Variants in EGF observed in about 807,000 individuals in gnomAD.
EGF encodes the protein pro-epidermal growth factor.
In EGF, 95 loss-of-function variants were observed where a neutral mutation model predicts 143.8. The ratio of observed to expected loss-of-function variants is 0.66; its 90% CI spans 0.56 to 0.78. The LOEUF (loss-of-function observed/expected upper bound fraction) is 0.78. Among genes scored for constraint, EGF ranks in the 30% least tolerant of loss-of-function variants. EGF has a pLI of 0.00. For synonymous variants in EGF, 510 were observed against 510.5 expected (o/e 1.00, Z 0.01); for missense variants, 1,320 against 1,470.9 (o/e 0.90, Z 1.68).
In EGF at chr4:109,994,713, A is replaced by C; in HGVS notation, c.2858-20A>C. ...ACTAATCCATTCAGAAAGTAAAAGT[A>C]ATGTCTTGGGTTCTTTTAGACTCTA... On this transcript the variant is annotated intron_variant, in intron 19 of 23. Coordinates refer to ENST00000265171, the MANE Select transcript of EGF (RefSeq NM_001963.6). The C allele has an allele frequency of 6.2e-7, 1 of 1,613,442 alleles. No individual in the cohort carries two copies. Among genetic ancestry groups the C allele is most frequent in the Non-Finnish European group, 8.5e-7 (1 of 1,179,776 alleles).
intron 22 of EGF, among the ~76,000 whole-genome samples, chr4:110,006,048 A>T (rs377569527): frequency 9.1e-6 from 1 of 110,006 alleles, no homozygotes; most frequent in Non-Finnish European, 1.7e-5. Context: ...AGTATGGGGG[A>T]AAAAAATAGA....
intron 1 of EGF, among the ~76,000 whole-genome samples, chr4:109,926,431 T>C (rs968924562): frequency 6.0e-5 from 9 of 149,784 alleles, no homozygotes; most frequent in Non-Finnish European, 1.2e-4. Context: ...CTCGTCTCAC[T>C]GCAAGCTCCA....
chr4:109,976,534 T>C (rs967538823), intron 13 of EGF, among the ~76,000 whole-genome samples: 10 of 152,230 alleles, frequency 6.6e-5, no homozygotes, highest in African/African-American at 2.2e-4. Context: ...TCATTTCTTA[T>C]GTTTTAGAAA....
At chr4:109,977,830 A>G (rs374701700) in intron 13 of EGF, among the ~76,000 whole-genome samples, 14 of 152,152 alleles carry the variant, frequency 9.2e-5, no homozygotes, top group African/African-American at 3.1e-4. Context: ...ACGGAGTGAA[A>G]CCGTCTCAAA....
At position 110,011,340 on chromosome 4, in the gene EGF, A is replaced by G; in HGVS notation, c.3509A>G (p.Tyr1170Cys). The change falls in exon 24 of 24, where the codon TAT becomes TGT. Residue 1170 changes from tyrosine (Y) to cysteine (C), a missense_variant. This residue lies in a region of EGF where 1,186 missense variants were observed against 1,313.7 expected (regional missense o/e 0.90). Coordinates refer to ENST00000265171, the MANE Select transcript of EGF (RefSeq NM_001963.6). ...GAGCGAAGCTTTCATATGCCCTCCT[A>G]TGGGACACAGACCCTTGAAGGGGGT... The part of the protein sequence containing the change: ...VMERSFHMPS[Y>C]GTQTLEGGVE... 4 of 1,614,076 alleles carry G rather than the reference A, an allele frequency of 2.5e-6. No homozygotes were observed. Among genetic ancestry groups the G allele is most frequent in the South Asian group, 1.1e-5 (1 of 91,080 alleles).
chr4:110,001,846 C>A, intron 21 of EGF: 1 of 985,430 alleles, frequency 1.0e-6, no homozygotes, highest in Non-Finnish European at 1.2e-6. Context: ...TTTCTCTTCA[C>A]TGAAATGCAT....
At chr4:109,963,540 T>C (rs1379509186) in intron 9 of EGF, among the ~76,000 whole-genome samples, 2 of 152,202 alleles carry the variant, frequency 1.3e-5, no homozygotes, top group Non-Finnish European at 2.9e-5. Context: ...AGATAGAATA[T>C]TTTTAGTATA....
chr4:110,006,878 A>G (rs1417096784), intron 22 of EGF, among the ~76,000 whole-genome samples: 6 of 152,226 alleles, frequency 3.9e-5, no homozygotes. Flanking sequence ...CTGAACGCTC[A>G]AACTAGAAGA....
At chr4:110,008,677 T>C (rs1434610209) in intron 23 of EGF, among the ~76,000 whole-genome samples, 1 of 152,190 alleles carries the variant, frequency 6.6e-6, no homozygotes, top group East Asian at 1.9e-4. Context: ...TCCTGGGGAT[T>C]TCAGAGTATT....
rs1269476178 is a variant in EGF at position 109,943,277 on chromosome 4, T to A, written c.351T>A (p.Asn117Lys). The change falls in exon 3 of 24, where the codon AAT (asparagine) becomes AAA (lysine). Residue 117 changes from asparagine (N) to lysine (K), a missense_variant. Asn to Lys is a moderately conservative substitution (Grantham distance 94). This residue lies in a region of EGF where 41 missense variants were observed against 38.1 expected (regional missense o/e 1.07). Transcript: ENST00000265171. ...RQERVCNIEK[N>K]VSGMAINWIN... ...AGAGAGTATGTAATATAGAGAAAAA[T>A]GTTTCTGGAATGGCAATAAATTGGA... The A allele has an allele frequency of 1.9e-6, 3 of 1,606,892 alleles. No homozygotes were observed. Among genetic ancestry groups the A allele is most frequent in the African/African-American group, 1.3e-5 (1 of 74,538 alleles).
At chr4:109,926,511 C>T (rs1738691542) in intron 1 of EGF, among the ~76,000 whole-genome samples, 1 of 152,026 alleles carries the variant, frequency 6.6e-6, no homozygotes, top group Non-Finnish European at 1.5e-5. Flanking sequence ...CCCGCCACCA[C>T]ACCCGGCTAA....
chr4:109,956,143 A>G (rs1289242308), intron 5 of EGF, among the ~76,000 whole-genome samples: 1 of 152,232 alleles, frequency 6.6e-6, no homozygotes, highest in South Asian at 2.1e-4. Context: ...AATTCTGTTT[A>G]TAACTATAGA....
At chr4:109,957,103 T>C (rs1205430229) in intron 5 of EGF, among the ~76,000 whole-genome samples, 1 of 152,162 alleles carries the variant, frequency 6.6e-6, no homozygotes, top group Non-Finnish European at 1.5e-5. Context: ...CAAGAATATG[T>C]TTCTACTGAA....
chr4:109,981,767 G>GA (rs1444567872), intron 15 of EGF, among the ~76,000 whole-genome samples: 2 of 152,038 alleles, frequency 1.3e-5, no homozygotes, highest in Non-Finnish European at 2.9e-5. Flanking sequence ...ATTTACTTAT[G>GA]TTTTTCCTCT....
At chr4:109,949,152 C>T (rs983937652) in intron 5 of EGF, among the ~76,000 whole-genome samples, 12 of 152,052 alleles carry the variant, frequency 7.9e-5, no homozygotes, top group Non-Finnish European at 1.2e-4. Context: ...CTGCAACCTC[C>T]GCCTCCTGGG....
chr4:109,918,979 C>T (rs1011671877), intron 1 of EGF, among the ~76,000 whole-genome samples: 1 of 152,174 alleles, frequency 6.6e-6, no homozygotes, highest in Non-Finnish European at 1.5e-5. Flanking sequence ...TTTCCTGGGC[C>T]TCCTTAATCT....
At chr4:110,010,976 G>A (rs1753917519) in intron 23 of EGF, among the ~76,000 whole-genome samples, 1 of 152,072 alleles carries the variant, frequency 6.6e-6, no homozygotes, top group Non-Finnish European at 1.5e-5. Context: ...AGGAGGAAGA[G>A]GCTGTGGTGA....
In EGF at chr4:109,968,953, C is replaced by T. The variant is rs1747109440; in HGVS notation, c.1576-18C>T. On this transcript the variant is annotated intron_variant, in intron 10 of 23. Transcript: ENST00000265171. ...AGTTTTAAAAAAAAATCAGAAATGC[C>T]TGTGTTCTCTTTTGTAGATATACTT... is the stretch of plus-strand genomic sequence containing the variant. The T allele has an allele frequency of 1.9e-6, 3 of 1,613,922 alleles. No individual in the cohort carries two copies. Among genetic ancestry groups the T allele is most frequent in the African/African-American group, 2.7e-5 (2 of 74,982 alleles).
chr4:109,962,224 G>A (rs576486024), intron 8 of EGF, among the ~76,000 whole-genome samples: 15 of 152,312 alleles, frequency 9.8e-5, no homozygotes, highest in African/African-American at 3.6e-4. Flanking sequence ...AGGCTTGACA[G>A]CCCTGAGGTA....
Sources: allele counts gnomAD v4.1 joint callset (sites outside exome capture counted in the v4.1 genomes callset), GRCh38; gene constraint gnomAD v4.1.1; regional missense constraint gnomAD v4.1.1; transcripts MANE v1.5; gene names NCBI Gene and HGNC (gene_info 2026-07-23, HGNC 2026-07-21).